FAR1: variants seen among roughly 807,000 people sequenced by gnomAD.
FAR1 encodes male sterility domain-containing protein 2.
In FAR1, 22 loss-of-function variants were observed where a neutral mutation model predicts 61.1. The ratio of observed to expected loss-of-function variants is 0.36; its 90% CI spans 0.26 to 0.51. The LOEUF is 0.51. Ranked by LOEUF, FAR1 falls within the 20% of genes least tolerant of loss-of-function variation. The probability of loss-of-function intolerance (pLI) is 0.95; values close to 1 mark genes in which losing one functional copy is unlikely to be tolerated. For missense variants in FAR1, 359 were observed against 626.9 expected (o/e 0.57, Z 4.56); for synonymous variants, 206 against 209.7 (o/e 0.98, Z 0.15).
At chr11:13,707,139 A>G (rs746838946) in intron 3 of FAR1, among the ~76,000 whole-genome samples, 3 of 152,202 alleles carry the variant, frequency 2.0e-5, no homozygotes, top group South Asian at 2.1e-4. Flanking sequence ...GAGTCATTCC[A>G]TATTCCATAG....
At chr11:13,681,977 CTCT>C (rs1451509440) in intron 1 of FAR1, among the ~76,000 whole-genome samples, 2 of 152,064 alleles carry the variant, frequency 1.3e-5, no homozygotes, top group African/African-American at 4.8e-5. Flanking sequence ...ATGTTATGTG[CTCT>C]TCTTCACTTG....
Position 13,712,976 on chromosome 11 carries a change from A to T in FAR1, c.898A>T (p.Ile300Phe). 6.2e-7 allele frequency: 1 copy of T among 1,612,786 alleles called. No individual in the cohort carries two copies. Among genetic ancestry groups the T allele is most frequent in the East Asian group, 2.2e-5 (1 of 44,824 alleles). The change falls in exon 8 of 12, where the codon ATC (isoleucine) becomes TTC (phenylalanine). Residue 300 changes from isoleucine to phenylalanine, a missense_variant. By Grantham distance (21) the Ile-to-Phe change is conservative (BLOSUM62 0). Around this residue, in one of 2 missense-constraint regions of FAR1, gnomAD observed 344 missense variants for 570.3 expected, o/e 0.60. Coordinates refer to ENST00000354817, the MANE Select transcript of FAR1 (RefSeq NM_032228.6). The part of the protein sequence containing the change: ...WYSGVNRPRN[I>F]MVYNCTTGST... ...TCTTTGTCTTTGCAGACCAAGAAAC[A>T]TCATGGTGTATAATTGTACAACAGG...
intron 1 of FAR1, among the ~76,000 whole-genome samples, chr11:13,681,558 G>A (rs193023126): frequency 1.3e-5 from 2 of 152,312 alleles, no homozygotes; most frequent in African/African-American, 4.8e-5. Flanking sequence ...CAGAAAAGGT[G>A]AGAGAGCTTT....
intron 5 of FAR1, 40 bp from the exon 6 acceptor site, chr11:13,711,724 G>A (rs771716729): frequency 2.4e-5 from 34 of 1,419,008 alleles, no homozygotes; most frequent in Non-Finnish European, 3.0e-5. Context: ...GCTTCATAAT[G>A]TTTCTAAGCT....
chr11:13,711,838 T>A lies in FAR1; in HGVS notation c.768+30T>A, dbSNP rs938079031. ...GTAAACCTTTTGATTTATTTAATAT[T>A]CTATACATTTTTCTGCTTTTTGTAT... On this transcript the variant is annotated intron_variant, in intron 6 of 11. Transcript: ENST00000354817. The A allele has an allele frequency of 1.9e-6, 3 of 1,574,064 alleles. No homozygotes were observed. The African/African-American group carries it at 4.1e-5, about 21-fold the overall frequency.
intron 1 of FAR1, among the ~76,000 whole-genome samples, chr11:13,690,020 C>T (rs983929816): frequency 4.6e-5 from 7 of 151,820 alleles, no homozygotes; most frequent in African/African-American, 1.7e-4. Context: ...GGATTAAAGG[C>T]GTGTGCCACC....
intron 1 of FAR1, among the ~76,000 whole-genome samples, chr11:13,672,600 A>T (rs1408393966): frequency 6.6e-6 from 1 of 152,060 alleles, no homozygotes; most frequent in Non-Finnish European, 1.5e-5. Context: ...CAAGCATTCA[A>T]CTGAAATGAG....
At chr11:13,717,340 A>G (rs1241609073) in intron 9 of FAR1, among the ~76,000 whole-genome samples, 3 of 152,176 alleles carry the variant, frequency 2.0e-5, no homozygotes, top group African/African-American at 7.2e-5. Flanking sequence ...CTGACTGCCC[A>G]TACGCCCATC....
At chr11:13,703,778 T>C (rs898253851) in intron 3 of FAR1, among the ~76,000 whole-genome samples, 2 of 152,022 alleles carry the variant, frequency 1.3e-5, no homozygotes, top group African/African-American at 4.8e-5. Context: ...GCGTGGGGGC[T>C]CACGCCTGTA....
intron 1 of FAR1, among the ~76,000 whole-genome samples, chr11:13,677,212 T>C (rs1302002591): frequency 6.6e-6 from 1 of 152,240 alleles, no homozygotes; most frequent in Non-Finnish European, 1.5e-5. Context: ...CATCATATAC[T>C]CCTTCCATCT....
intron 2 of FAR1, among the ~76,000 whole-genome samples, chr11:13,695,343 C>T (rs1848296887): frequency 6.6e-6 from 1 of 152,098 alleles, no homozygotes; most frequent in African/African-American, 2.4e-5. Context: ...AATTTATAAA[C>T]ACCACTTACT....
intron 2 of FAR1, 90 bp downstream of exon 2, chr11:13,695,044 C>A: frequency 4.7e-6 from 5 of 1,053,994 alleles, no homozygotes; most frequent in Non-Finnish European, 6.4e-6. Context: ...TGGTATATTT[C>A]TTCAGTATTC....
intron 1 of FAR1, among the ~76,000 whole-genome samples, chr11:13,670,319 C>G (rs1182174131): frequency 2.0e-5 from 3 of 148,992 alleles, no homozygotes; most frequent in African/African-American, 7.4e-5. Context: ...GTGTGTGTCT[C>G]GCTTTGTTGC....
At chr11:13,716,725 C>G (rs1848561369) in intron 9 of FAR1, among the ~76,000 whole-genome samples, 1 of 152,158 alleles carries the variant, frequency 6.6e-6, no homozygotes, top group Non-Finnish European at 1.5e-5. Context: ...CTTCTAGTTA[C>G]AAGTGAGTCA....
intron 1 of FAR1, among the ~76,000 whole-genome samples, chr11:13,677,265 G>A (rs1447664969): frequency 4.6e-5 from 7 of 152,274 alleles, no homozygotes; most frequent in Admixed American, 6.5e-5. Context: ...TAGGGTAGGC[G>A]TGTTTTAGGA....
At chr11:13,685,396 G>C in intron 1 of FAR1, 1 of 181,350 alleles carries the variant, frequency 5.5e-6, no homozygotes, top group Non-Finnish European at 1.2e-5. Flanking sequence ...CCAATAAGAC[G>C]TGTCCAACTG....
At position 13,722,223 on chromosome 11, in the gene FAR1, C is replaced by G. The variant is rs150618184; in HGVS notation, c.1257+364C>G. 1.5e-3 allele frequency among the ~76,000 whole-genome samples: 221 copies of G among 151,884 alleles called. 1 individual carries two copies. Among genetic ancestry groups the G allele is most frequent in the African/African-American group, 5.1e-3 (212 of 41,450 alleles). On this transcript the variant is annotated intron_variant, in intron 10 of 11. Transcript: ENST00000354817. ...TCTAAGAAATTGTTTTTTATAAACT[C>G]TTTTACTTTTTGTTATTCCACATTT...
At chr11:13,683,781 G>A (rs1397092296) in intron 1 of FAR1, among the ~76,000 whole-genome samples, 1 of 152,178 alleles carries the variant, frequency 6.6e-6, no homozygotes, top group African/African-American at 2.4e-5. Flanking sequence ...TCCAGGTATA[G>A]CTATAGGTGG....
At chr11:13,670,832 G>A (rs1489407832) in intron 1 of FAR1, among the ~76,000 whole-genome samples, 1 of 151,632 alleles carries the variant, frequency 6.6e-6, no homozygotes, top group Non-Finnish European at 1.5e-5. Flanking sequence ...CAGAGACTGA[G>A]GTCAGAGAAG....
Sources: gnomAD v4.1 joint callset for allele counts (sites outside exome capture counted in the v4.1 genomes callset) on GRCh38, gnomAD v4.1.1 for gene constraint, gnomAD v4.1.1 regional missense constraint, MANE v1.5 for transcripts, NCBI Gene and HGNC (gene_info 2026-07-23, HGNC 2026-07-21) for gene names.